TMEM278: variants seen among roughly 807,000 people sequenced by gnomAD.
TMEM278 encodes the protein transmembrane protein 278.
At chr1:1,430,142 GCCACC>G in the TMEM278 span, among the ~76,000 whole-genome samples, 1 of 152,236 alleles carries the variant, frequency 6.6e-6, no homozygotes, top group Non-Finnish European at 1.5e-5. Flanking sequence ...ACAGGCATGA[GCCACC>G]CCACCTGGCC....
chr1:1,426,496 C>A, the TMEM278 span: 2 of 874,916 alleles, frequency 2.3e-6, no homozygotes, highest in Non-Finnish European at 3.1e-6. Context: ...TCCTCAGAGA[C>A]ACGTGTGCCC....
the TMEM278 span, chr1:1,427,908 T>A: frequency 4.3e-6 from 4 of 931,038 alleles, no homozygotes; most frequent in Non-Finnish European, 5.5e-6. Flanking sequence ...CGCGCAGCGC[T>A]CCCGGCTTAC....
At chr1:1,426,396 G>A in the TMEM278 span, 1 of 1,365,442 alleles carries the variant, frequency 7.3e-7, no homozygotes, top group Non-Finnish European at 9.5e-7. Context: ...GTGAGCCTGT[G>A]CCCCGTGGGC....
chr1:1,427,626 G>C, the TMEM278 span: 1 of 1,331,086 alleles, frequency 7.5e-7, no homozygotes, highest in East Asian at 3.3e-5. Context: ...CATCGTGTTC[G>C]GGCTTCTCTC....
chr1:1,427,745 GGGGC>G, the TMEM278 span: 1 of 1,305,364 alleles, frequency 7.7e-7, no homozygotes, highest in Non-Finnish European at 9.7e-7. Context: ...GCCGCCCCCC[GGGGC>G]GCCCCGACGA....
chr1:1,426,043 G>C, the TMEM278 span: 1 of 1,274,580 alleles, frequency 7.8e-7, no homozygotes, highest in Non-Finnish European at 1.0e-6. Flanking sequence ...ACGTGGGGCG[G>C]GGTTAAAGGT....
chr1:1,426,293 C>G, the TMEM278 span: 1 of 1,499,114 alleles, frequency 6.7e-7, no homozygotes, highest in Non-Finnish European at 8.9e-7. Context: ...GGCCGGGCTC[C>G]TGCTGCACCT....
chr1:1,428,979 G>A, the TMEM278 span, among the ~76,000 whole-genome samples: 27 of 132,580 alleles, frequency 2.0e-4, no homozygotes, highest in Non-Finnish European at 3.2e-4. Context: ...TAGCTTGGGC[G>A]AAAGAGCGAG....
chr1:1,430,241 G>A, the TMEM278 span, among the ~76,000 whole-genome samples: 2 of 152,162 alleles, frequency 1.3e-5, no homozygotes, highest in African/African-American at 2.4e-5. Flanking sequence ...AAAAATGTAC[G>A]CTCATAGTAA....
At chr1:1,429,098 G>A in the TMEM278 span, among the ~76,000 whole-genome samples, 2 of 152,080 alleles carry the variant, frequency 1.3e-5, no homozygotes, top group Non-Finnish European at 1.5e-5. Flanking sequence ...GAACCCAGGA[G>A]GCAGAGATTG....
the TMEM278 span, chr1:1,426,252 CG>C: frequency 6.7e-7 from 1 of 1,488,702 alleles, no homozygotes; most frequent in Non-Finnish European, 9.0e-7. Flanking sequence ...CCAGGGTGGT[CG>C]GGGCCCCCGC....
chr1:1,427,687 G>A, the TMEM278 span: 2 of 1,329,038 alleles, frequency 1.5e-6, no homozygotes, highest in Non-Finnish European at 1.9e-6. Context: ...CGCCTAGCCC[G>A]GCGCCTCCGC....
At chr1:1,429,077 G>A in the TMEM278 span, among the ~76,000 whole-genome samples, 4 of 151,914 alleles carry the variant, frequency 2.6e-5, no homozygotes, top group South Asian at 2.1e-4. Flanking sequence ...GCTGAGGCAG[G>A]AGGATCGCTT....
the TMEM278 span, among the ~76,000 whole-genome samples, chr1:1,429,522 T>C: frequency 6.6e-6 from 1 of 152,234 alleles, no homozygotes; most frequent in Non-Finnish European, 1.5e-5. Context: ...TCCAGTGTCC[T>C]AGTCTTTGGG....
At chr1:1,430,006 C>T in the TMEM278 span, among the ~76,000 whole-genome samples, 10 of 152,302 alleles carry the variant, frequency 6.6e-5, no homozygotes, top group East Asian at 1.7e-3. Context: ...GACTAGAGTG[C>T]ACCACCACAC....
At chr1:1,426,069 T>C in the TMEM278 span, 1 of 1,308,746 alleles carries the variant, frequency 7.6e-7, no homozygotes, top group South Asian at 2.3e-5. Context: ...AGGGCAGCCC[T>C]GGAGAGCACC....
At chr1:1,429,190 C>CA in the TMEM278 span, among the ~76,000 whole-genome samples, 3 of 149,580 alleles carry the variant, frequency 2.0e-5, no homozygotes, top group Admixed American at 6.7e-5. Flanking sequence ...AAAAAAACAA[C>CA]AAAAAAAATT....
chr1:1,428,427 G>A, the TMEM278 span, among the ~76,000 whole-genome samples: 1 of 152,070 alleles, frequency 6.6e-6, no homozygotes, highest in South Asian at 2.1e-4. Flanking sequence ...CGCCAGCCTC[G>A]GTCGGCTCTC....
the TMEM278 span, among the ~76,000 whole-genome samples, chr1:1,426,558 G>A: frequency 4.6e-5 from 7 of 152,248 alleles, no homozygotes; most frequent in East Asian, 1.2e-3. Flanking sequence ...AGCCAAAGAA[G>A]AGCTTTTGTT....
Sources: gnomAD v4.1 joint callset for allele counts (sites outside exome capture counted in the v4.1 genomes callset) on GRCh38, gnomAD v4.1.1 for gene constraint, MANE v1.5 for transcripts, NCBI Gene and HGNC (gene_info 2026-07-23, HGNC 2026-07-21) for gene names.